The following AXDND1 variants were observed in gnomAD, a reference collection of about 807,000 sequenced individuals.
The protein encoded by AXDND1 is axonemal dynein light chain domain-containing protein 1.
In AXDND1, 110 loss-of-function variants were observed where a neutral mutation model predicts 137.5. That is an observed-to-expected ratio of 0.80 (90% CI 0.69 to 0.94). The LOEUF (loss-of-function observed/expected upper bound fraction) is 0.94, where lower values mean the gene tolerates loss of function less well. AXDND1 is among the 40% of genes least tolerant of loss of function. AXDND1 has a pLI of 0.00. For missense variants in AXDND1, 1,191 were observed against 1,169.8 expected (o/e 1.02, Z -0.26); for synonymous variants, 414 against 399.7 (o/e 1.04, Z -0.43).
At chr1:179,367,562 C>T (rs914531620) in intron 2 of AXDND1, among the ~76,000 whole-genome samples, 1 of 151,740 alleles carries the variant, frequency 6.6e-6, no homozygotes, top group African/African-American at 2.4e-5. Flanking sequence ...CGTGGTGAAA[C>T]CCGGTCTCTA....
rs769360267 is a variant in AXDND1, at chr1:179,430,476, C to T, written c.1357C>T (p.Gln453Ter). ...GGACACTGAAGACCTTGCACTGTTG[C>T]AGAAGTTGACACAAAAATGGAGAAA... The part of the protein sequence containing the change: ...NKDTEDLALL[Q>*]KLTQKWRNLV... The change falls in exon 14 of 26, where the codon CAG becomes TAG. Residue 453 changes from glutamine to a stop codon, truncating the protein, a stop_gained. Transcript: ENST00000367618. LOFTEE classifies it high-confidence loss of function. 2 of 1,613,290 alleles carry T rather than the reference C, an allele frequency of 1.2e-6. No individual in the cohort carries two copies. The highest frequency in any genetic ancestry group is 4.5e-5 in the East Asian group (2 of 44,858).
chr1:179,541,650 A>T (rs1558323746), intron 25 of AXDND1, among the ~76,000 whole-genome samples: 2 of 151,096 alleles, frequency 1.3e-5, no homozygotes, highest in East Asian at 3.9e-4. Context: ...TAATATATGC[A>T]TAATATATGC....
intron 25 of AXDND1, 128 bp from the exon 26 acceptor site, chr1:179,554,384 C>T (rs1187401553): frequency 6.2e-6 from 9 of 1,462,344 alleles, no homozygotes; most frequent in South Asian, 2.3e-5. Flanking sequence ...CTATAGTACT[C>T]AGTGAAAATA....
intron 11 of AXDND1, among the ~76,000 whole-genome samples, chr1:179,410,711 A>G (rs1653741132): frequency 6.6e-6 from 1 of 152,214 alleles, no homozygotes; most frequent in African/African-American, 2.4e-5. Flanking sequence ...GTGGCTCACA[A>G]TTATTGGACT....
Position 179,394,592 on chromosome 1 carries a change from A to AAAAAT in AXDND1, c.1005-489_1005-485dup, listed in dbSNP as rs71111984. 1.5e-4 allele frequency among the ~76,000 whole-genome samples: 20 copies of AAAAAT among 135,880 alleles called. 1 individual carries two copies. Among genetic ancestry groups the AAAAAT allele is most frequent in the African/African-American group, 4.3e-4 (16 of 36,860 alleles). The allele number at this position is 135,880 out of a possible 152,430, so 89.1% of individuals were successfully genotyped here. A position where few individuals can be genotyped will look rare whatever the true frequency, so the allele number is the denominator to read the frequency against. ...GTGACGGAGCGAGACCCTGTCTCAG[A>AAAAAT]AAAATAAAATAAAATAAAATACAGA... On this transcript the variant is annotated intron_variant, in intron 10 of 25. Coordinates refer to ENST00000367618, the MANE Select transcript of AXDND1 (RefSeq NM_144696.6).
At chr1:179,505,635 G>A (rs1299187598) in intron 20 of AXDND1, among the ~76,000 whole-genome samples, 6 of 143,868 alleles carry the variant, frequency 4.2e-5, no homozygotes, top group African/African-American at 1.0e-4. Flanking sequence ...GCAACAGAGC[G>A]AAACTCCATC....
intron 15 of AXDND1, among the ~76,000 whole-genome samples, chr1:179,433,427 G>A (rs984816745): frequency 5.9e-5 from 9 of 152,150 alleles, no homozygotes; most frequent in African/African-American, 1.9e-4. Flanking sequence ...GTTTGCTTTT[G>A]CTTCTCCAGT....
At chr1:179,471,466 A>T (rs1022924366) in intron 17 of AXDND1, among the ~76,000 whole-genome samples, 1 of 152,194 alleles carries the variant, frequency 6.6e-6, no homozygotes, top group African/African-American at 2.4e-5. Flanking sequence ...TGACAATTTC[A>T]TCCAAGTTAT....
chr1:179,394,021 C>A lies in AXDND1; in HGVS notation c.982C>A (p.His328Asn). The change falls in exon 10 of 26, where the codon CAT (histidine) becomes AAT (asparagine). Residue 328 changes from histidine (H) to asparagine (N), a missense_variant. Coordinates refer to ENST00000367618, the MANE Select transcript of AXDND1 (RefSeq NM_144696.6). Reference sequence around the variant, plus strand: ...TTTAGAAGAATTGTATAATTTCAAGCATGTTATTGAAGAACTGACCAGGTA... The same window carrying A: ...TTTAGAAGAATTGTATAATTTCAAGAATGTTATTGAAGAACTGACCAGGTA... Reference protein sequence around the residue: ...RILEELYNFKHVIEELTRELC... With the variant: ...RILEELYNFKNVIEELTRELC... 1 of 1,605,612 alleles carries A rather than the reference C, an allele frequency of 6.2e-7. No homozygotes were observed. Among genetic ancestry groups the A allele is most frequent in the South Asian group, 1.1e-5 (1 of 89,410 alleles).
At chr1:179,435,013 C>T (rs1375834174) in intron 15 of AXDND1, among the ~76,000 whole-genome samples, 2 of 152,012 alleles carry the variant, frequency 1.3e-5, no homozygotes, top group Non-Finnish European at 2.9e-5. Flanking sequence ...ACAAAATCAA[C>T]GTGCAAAAAT....
chr1:179,531,565 A>G (rs761074227), intron 23 of AXDND1, among the ~76,000 whole-genome samples: 4 of 152,104 alleles, frequency 2.6e-5, no homozygotes, highest in Non-Finnish European at 5.9e-5. Flanking sequence ...CAGGTGCTCA[A>G]ACAGAAGGGG....
chr1:179,443,186 A>G (rs1009037443), intron 15 of AXDND1, among the ~76,000 whole-genome samples: 1 of 152,214 alleles, frequency 6.6e-6, no homozygotes, highest in Non-Finnish European at 1.5e-5. Context: ...TCTTGCATTC[A>G]TGATAAACAG....
intron 12 of AXDND1, among the ~76,000 whole-genome samples, chr1:179,417,984 AT>A (rs1309651574): frequency 4.1e-5 from 6 of 147,536 alleles, no homozygotes; most frequent in South Asian, 2.1e-4. Flanking sequence ...ATTTATTTTT[AT>A]TTTATTTATT....
chr1:179,479,507 G>C (rs1467566863), intron 17 of AXDND1, among the ~76,000 whole-genome samples: 1 of 151,850 alleles, frequency 6.6e-6, no homozygotes, highest in African/African-American at 2.4e-5. Flanking sequence ...GCTGGGTGTG[G>C]TGGCTCATGC....
At chr1:179,385,629 A>G (rs1221465376) in intron 9 of AXDND1, among the ~76,000 whole-genome samples, 2 of 152,150 alleles carry the variant, frequency 1.3e-5, no homozygotes, top group Admixed American at 1.3e-4. Flanking sequence ...GTTTTGTTAT[A>G]CTCACAGCTC....
rs552545579 is a variant in AXDND1, at chr1:179,378,715, C to T, written c.453C>T (p.Ala151=). Reference sequence around the variant, plus strand: ...AGGCAGTTTGTCCCCCACATTTGGCCCGTTCATTACAGTCACATGATGGTG... The same window carrying T: ...AGGCAGTTTGTCCCCCACATTTGGCTCGTTCATTACAGTCACATGATGGTG... ...REKAVCPPHL[A]RSLQSHDGVI... is the part of the protein sequence containing the mutation. The change falls in exon 5 of 26, where the codon GCC becomes GCT. Residue 151 remains alanine (A), a synonymous_variant. Transcript: ENST00000367618. 1 of 1,590,648 alleles carries T rather than the reference C, an allele frequency of 6.3e-7. No individual in the cohort carries two copies.
intron 22 of AXDND1, among the ~76,000 whole-genome samples, chr1:179,526,585 T>C (rs1339963376): frequency 1.3e-5 from 2 of 152,228 alleles, no homozygotes; most frequent in African/African-American, 4.8e-5. Flanking sequence ...ACTTCTTTGA[T>C]ATATTTCTTC....
chr1:179,383,252 A>G lies in AXDND1; in HGVS notation c.639-190A>G, dbSNP rs74226676. On this transcript the variant is annotated intron_variant, in intron 7 of 25. Transcript: ENST00000367618. ...TGAAAAAGAGAATCATACTATTTGC[A>G]TTTTTCTTCCTTTTTTCTACTATAT... Among the ~76,000 whole-genome samples the G allele has an allele frequency of 7.4e-4, 112 of 152,128 alleles. 1 individual carries two copies. The East Asian group carries it at 0.019, about 25-fold the overall frequency.
intron 21 of AXDND1, among the ~76,000 whole-genome samples, chr1:179,516,878 C>T (rs544307419): frequency 6.6e-6 from 1 of 152,200 alleles, no homozygotes; most frequent in South Asian, 2.1e-4. Context: ...TGAAACAGTT[C>T]GTGAGGGTTC....
Sources: allele counts gnomAD v4.1 joint callset (sites outside exome capture counted in the v4.1 genomes callset), GRCh38; gene constraint gnomAD v4.1.1; transcripts MANE v1.5; gene names NCBI Gene and HGNC (gene_info 2026-07-23, HGNC 2026-07-21).